The following DGKG variants were observed in gnomAD, a reference collection of about 807,000 sequenced individuals.
DGKG encodes DAG kinase gamma.
DGKG carries 78 observed loss-of-function variants against 105.3 expected under a neutral mutation model. That is an observed-to-expected ratio of 0.74 (90% CI 0.62 to 0.89). The LOEUF (loss-of-function observed/expected upper bound fraction) is 0.89. Among genes scored for constraint, DGKG ranks in the 40% least tolerant of loss-of-function variants. The pLI, the probability that DGKG is intolerant of heterozygous loss-of-function variation, is 0.00. For missense variants in DGKG, 958 were observed against 1,020.1 expected (o/e 0.94, Z 0.83); for synonymous variants, 346 against 367.1 (o/e 0.94, Z 0.66).
At chr3:186,281,222 A>C (rs1450625051) in intron 7 of DGKG, 2 of 155,764 alleles carry the variant, frequency 1.3e-5, no homozygotes, top group African/African-American at 4.8e-5. Flanking sequence ...CAGCTCAGGT[A>C]CCATGATTTT....
intron 1 of DGKG, among the ~76,000 whole-genome samples, chr3:186,360,389 G>A (rs1459322217): frequency 6.6e-6 from 1 of 152,168 alleles, no homozygotes; most frequent in Non-Finnish European, 1.5e-5. Context: ...GGGTGTAAAC[G>A]TTAAGGGTGA....
At position 186,148,451 on chromosome 3, in the gene DGKG, C is replaced by G. The variant is rs950772455; in HGVS notation, c.*1639G>C. 19 of 985,296 alleles carry G rather than the reference C, an allele frequency of 1.9e-5. No homozygotes were observed. The highest frequency in any genetic ancestry group is 2.3e-4 in the East Asian group (2 of 8,810). 61.0% of individuals were successfully genotyped at this position (985,296 alleles called of 1,614,324 possible). ...CAGGTCAGAGAGAACCTCTGGGAAG[C>G]AGCATGAGGCGCTCGTTTTCTTGTG... On this transcript the variant is annotated 3_prime_UTR_variant, in exon 25 of 25. Transcript: ENST00000265022.
At chr3:186,349,553 A>G (rs951786149) in intron 1 of DGKG, among the ~76,000 whole-genome samples, 18 of 151,978 alleles carry the variant, frequency 1.2e-4, no homozygotes, top group African/African-American at 3.9e-4. Context: ...TTTTTTTAGC[A>G]TCTATTTTAA....
At chr3:186,227,048 A>G (rs2284838) in intron 20 of DGKG, among the ~76,000 whole-genome samples, 50,420 of 152,018 alleles carry the variant, frequency 0.33, 8,746 homozygotes, top group Non-Finnish European at 0.38. Context: ...TCTTCAAAGT[A>G]GAGATTTGAT....
At chr3:186,305,807 T>C (rs775879046) in intron 3 of DGKG, among the ~76,000 whole-genome samples, 3 of 152,138 alleles carry the variant, frequency 2.0e-5, no homozygotes, top group Admixed American at 1.3e-4. Context: ...AGGACAGAAG[T>C]TGATGATGAC....
At chr3:186,160,088 G>T in intron 24 of DGKG, 1 of 582,214 alleles carries the variant, frequency 1.7e-6, no homozygotes, top group Non-Finnish European at 2.1e-6. Flanking sequence ...ATTCTATTAT[G>T]GCACTCAAAG....
intron 22 of DGKG, among the ~76,000 whole-genome samples, chr3:186,177,470 G>T (rs1372407734): frequency 6.6e-6 from 1 of 152,164 alleles, no homozygotes; most frequent in South Asian, 2.1e-4. Context: ...GGCAGCTGGG[G>T]CACATGTGCT....
chr3:186,301,874 G>C (rs556935938), intron 3 of DGKG, among the ~76,000 whole-genome samples: 39 of 152,268 alleles, frequency 2.6e-4, no homozygotes, highest in Admixed American at 6.5e-4. Flanking sequence ...TAGATTTGTA[G>C]TTACTTCAAG....
At chr3:186,309,239 A>G (rs1265241587) in intron 2 of DGKG, among the ~76,000 whole-genome samples, 1 of 151,972 alleles carries the variant, frequency 6.6e-6, no homozygotes, top group Non-Finnish European at 1.5e-5. Context: ...TAAGGTTTAT[A>G]AAGGCAGATA....
intron 22 of DGKG, among the ~76,000 whole-genome samples, chr3:186,171,064 C>T (rs896300963): frequency 5.3e-5 from 8 of 152,228 alleles, no homozygotes; most frequent in African/African-American, 1.9e-4. Context: ...GCTTGGACAA[C>T]TCCTGTTTAG....
chr3:186,168,613 G>A (rs1210381935), intron 22 of DGKG, among the ~76,000 whole-genome samples: 1 of 152,208 alleles, frequency 6.6e-6, no homozygotes, highest in Non-Finnish European at 1.5e-5. Context: ...TTGGGAGGCT[G>A]AGGCAGGCGG....
chr3:186,274,926 T>C (rs1255979732), intron 10 of DGKG, among the ~76,000 whole-genome samples: 1 of 152,162 alleles, frequency 6.6e-6, no homozygotes, highest in African/African-American at 2.4e-5. Context: ...CTGGGTCAAA[T>C]GGTATTTCTA....
chr3:186,229,106 T>A (rs1193770311), intron 20 of DGKG, among the ~76,000 whole-genome samples: 1 of 152,064 alleles, frequency 6.6e-6, no homozygotes, highest in Non-Finnish European at 1.5e-5. Flanking sequence ...AGGCAAAGAT[T>A]TGCGTGACTG....
chr3:186,275,685 G>T, intron 9 of DGKG, 21 bp from the exon 10 acceptor site: 1 of 1,592,976 alleles, frequency 6.3e-7, no homozygotes, highest in Non-Finnish European at 8.6e-7. Context: ...AATAGGAGGT[G>T]AGACCCCAAG....
intron 20 of DGKG, among the ~76,000 whole-genome samples, chr3:186,214,943 G>A (rs1012565120): frequency 2.6e-5 from 4 of 152,220 alleles, no homozygotes; most frequent in Non-Finnish European, 5.9e-5. Context: ...AGGGAAGGTG[G>A]AGAAAGAGCA....
chr3:186,159,526 A>T (rs1047070839), intron 24 of DGKG: 2 of 152,180 alleles, frequency 1.3e-5, no homozygotes. Context: ...TTATTGCATA[A>T]ACATATTTAG....
chr3:186,175,952 A>G (rs1038717771), intron 22 of DGKG, among the ~76,000 whole-genome samples: 10 of 152,246 alleles, frequency 6.6e-5, no homozygotes, highest in Non-Finnish European at 1.5e-4. Context: ...AAACTTGCCT[A>G]ATATCAGATA....
chr3:186,321,906 A>T (rs1197844150), intron 1 of DGKG, among the ~76,000 whole-genome samples: 1 of 151,776 alleles, frequency 6.6e-6, no homozygotes, highest in African/African-American at 2.4e-5. Context: ...GAGAAGTCCA[A>T]CTCTCTCCTT....
intron 22 of DGKG, among the ~76,000 whole-genome samples, chr3:186,174,438 G>T (rs1328873248): frequency 6.6e-6 from 1 of 151,814 alleles, no homozygotes; most frequent in African/African-American, 2.4e-5. Context: ...GGAGGGGAAG[G>T]ATAAGTGAAA....
Sources: allele counts gnomAD v4.1 joint callset (sites outside exome capture counted in the v4.1 genomes callset), GRCh38; gene constraint gnomAD v4.1.1; transcripts MANE v1.5; gene names NCBI Gene and HGNC (gene_info 2026-07-23, HGNC 2026-07-21).